Variants in CNTNAP2 observed in about 807,000 individuals in gnomAD.
The protein encoded by CNTNAP2 is contactin-associated protein-like 2.
Under a neutral mutation model 155.2 loss-of-function variants are expected in CNTNAP2, and 98 were observed. That is an observed-to-expected ratio of 0.63 (90% CI 0.54 to 0.75). CNTNAP2 has a LOEUF of 0.75. CNTNAP2 is among the 30% of genes least tolerant of loss of function. The probability of loss-of-function intolerance (pLI) is 0.00; values close to 1 mark genes in which losing one functional copy is unlikely to be tolerated. For missense variants in CNTNAP2, 1,727 were observed against 1,688.1 expected (o/e 1.02, Z -0.40); for synonymous variants, 651 against 631.2 (o/e 1.03, Z -0.47).
At chr7:148,021,434 G>A (rs1475294614) in intron 15 of CNTNAP2, among the ~76,000 whole-genome samples, 6 of 152,174 alleles carry the variant, frequency 3.9e-5, no homozygotes, top group Non-Finnish European at 5.9e-5. Context: ...GTAGACCATA[G>A]CCAGTCTACA....
chr7:147,792,363 T>C (rs1386606703), intron 13 of CNTNAP2, among the ~76,000 whole-genome samples: 1 of 101,536 alleles, frequency 9.8e-6, no homozygotes, highest in African/African-American at 7.8e-5. Context: ...TTCTCAGCCC[T>C]AAGCAACCAC....
chr7:146,545,758 A>C (rs1319489963), intron 1 of CNTNAP2, among the ~76,000 whole-genome samples: 2 of 151,864 alleles, frequency 1.3e-5, no homozygotes, highest in Non-Finnish European at 2.9e-5. Context: ...GCCATTGTGG[A>C]AAGACAGTGT....
At chr7:148,223,394 T>C (rs973500799) in intron 19 of CNTNAP2, among the ~76,000 whole-genome samples, 1 of 152,206 alleles carries the variant, frequency 6.6e-6, no homozygotes, top group Non-Finnish European at 1.5e-5. Flanking sequence ...ATCAGTACCC[T>C]GTAAGTGTGT....
At chr7:147,076,589 AT>A (rs1422261328) in intron 4 of CNTNAP2, among the ~76,000 whole-genome samples, 1 of 152,190 alleles carries the variant, frequency 6.6e-6, no homozygotes, top group East Asian at 1.9e-4. Context: ...GAAATCAGTT[AT>A]GACTTTCAAA....
At chr7:146,185,389 A>G (rs1412624251) in intron 1 of CNTNAP2, among the ~76,000 whole-genome samples, 5 of 152,190 alleles carry the variant, frequency 3.3e-5, no homozygotes, top group African/African-American at 1.2e-4. Flanking sequence ...GGCAAAGTTG[A>G]GTAACTTCGA....
chr7:146,434,893 G>T (rs1405166), intron 1 of CNTNAP2, among the ~76,000 whole-genome samples: 5,428 of 152,224 alleles, frequency 0.036, 345 homozygotes, highest in African/African-American at 0.12. Context: ...ATGTGTGCCA[G>T]GCACTCATTC....
intron 1 of CNTNAP2, among the ~76,000 whole-genome samples, chr7:146,168,985 C>CT (rs1798351968): frequency 6.6e-6 from 1 of 152,154 alleles, no homozygotes; most frequent in Non-Finnish European, 1.5e-5. Flanking sequence ...CCGCAGTGGC[C>CT]TTTTTCCAGG....
intron 8 of CNTNAP2, among the ~76,000 whole-genome samples, chr7:147,184,318 T>C (rs2116507146): frequency 6.6e-6 from 1 of 152,318 alleles, no homozygotes; most frequent in Non-Finnish European, 1.5e-5. Context: ...CTGAGGTCTT[T>C]ACCATTTAAG....
intron 4 of CNTNAP2, among the ~76,000 whole-genome samples, chr7:147,086,972 T>C (rs1209883332): frequency 6.6e-6 from 1 of 152,172 alleles, no homozygotes; most frequent in African/African-American, 2.4e-5. Flanking sequence ...CTTGCCTCTA[T>C]TGTGCTTAGA....
intron 12 of CNTNAP2, among the ~76,000 whole-genome samples, chr7:147,624,797 T>G (rs190506491): frequency 6.6e-6 from 1 of 152,264 alleles, no homozygotes; most frequent in African/African-American, 2.4e-5. Context: ...GGAAGAAATA[T>G]CTTTACTCTC....
chr7:146,644,338 T>A lies in CNTNAP2; in HGVS notation c.98-129933T>A, dbSNP rs570703890. On this transcript the variant is annotated intron_variant, in intron 1 of 23. Transcript: ENST00000361727. ...TTTTGAGATATGTCCCATCAATACC[T>A]AATTTATGGAGAGTTTTTAGCATGA... Among the ~76,000 whole-genome samples the A allele has an allele frequency of 3.9e-5, 6 of 152,304 alleles. No homozygotes were observed. The South Asian group carries it at 1.2e-3, about 32-fold the overall frequency.
intron 8 of CNTNAP2, among the ~76,000 whole-genome samples, chr7:147,168,519 T>G (rs1802166038): frequency 1.3e-5 from 2 of 152,080 alleles, no homozygotes; most frequent in South Asian, 4.1e-4. Context: ...TGATAAAGGT[T>G]AGGTTTGATT....
intron 21 of CNTNAP2, among the ~76,000 whole-genome samples, chr7:148,303,184 C>T (rs1797425714): frequency 1.3e-5 from 2 of 152,114 alleles, no homozygotes; most frequent in South Asian, 2.1e-4. Context: ...ACTAATAGAA[C>T]AAATATTCCC....
At chr7:146,388,411 G>A (rs1220176799) in intron 1 of CNTNAP2, among the ~76,000 whole-genome samples, 5 of 151,894 alleles carry the variant, frequency 3.3e-5, no homozygotes, top group Non-Finnish European at 7.4e-5. Context: ...CTCCAGCCTG[G>A]GTGACAGAGT....
chr7:146,523,626 G>A (rs1001840055), intron 1 of CNTNAP2, among the ~76,000 whole-genome samples: 2 of 152,118 alleles, frequency 1.3e-5, no homozygotes, highest in East Asian at 3.9e-4. Context: ...CTTTAAAAAT[G>A]CTCATAAAGT....
At chr7:148,308,096 A>G (rs770421380) in intron 21 of CNTNAP2, among the ~76,000 whole-genome samples, 29 of 152,218 alleles carry the variant, frequency 1.9e-4, no homozygotes, top group Non-Finnish European at 3.7e-4. Context: ...ATTTACAAGT[A>G]ATTTTTTTCA....
In CNTNAP2 at chr7:147,034,335, C is replaced by A. The variant is rs1394324935; in HGVS notation, c.403-9572C>A. On this transcript the variant is annotated intron_variant, in intron 3 of 23. Coordinates refer to ENST00000361727, the MANE Select transcript of CNTNAP2 (RefSeq NM_014141.6). ...CAGGAGTTTTCCCTTTTCCTCTTCA[C>A]AGGGCAAGTGATAGGGGTGTGGCTC... 2.0e-5 allele frequency among the ~76,000 whole-genome samples: 3 copies of A among 152,200 alleles called. No individual in the cohort carries two copies. In the East Asian group the frequency reaches 5.8e-4, roughly 29 times the overall value.
At chr7:147,701,885 C>A (rs982133059) in intron 13 of CNTNAP2, among the ~76,000 whole-genome samples, 1 of 152,092 alleles carries the variant, frequency 6.6e-6, no homozygotes, top group Non-Finnish European at 1.5e-5. Flanking sequence ...CATTACGGTG[C>A]GGAAGGAACC....
At chr7:147,912,789 AG>A (rs1314790130) in intron 14 of CNTNAP2, among the ~76,000 whole-genome samples, 1 of 152,160 alleles carries the variant, frequency 6.6e-6, no homozygotes, top group Non-Finnish European at 1.5e-5. Flanking sequence ...GCCCTACCTC[AG>A]TTCCTACAGG....
Sources: gnomAD v4.1 joint callset for allele counts (sites outside exome capture counted in the v4.1 genomes callset) on GRCh38, gnomAD v4.1.1 for gene constraint, MANE v1.5 for transcripts, NCBI Gene and HGNC (gene_info 2026-07-23, HGNC 2026-07-21) for gene names.